BAZ2B: variants seen among roughly 807,000 people sequenced by gnomAD.
BAZ2B encodes bromodomain adjacent to zinc finger domain 2B, also known as bromodomain adjacent to zinc finger domain protein 2B.
A neutral mutation model predicts 246.0 loss-of-function variants in BAZ2B; 91 were observed. The observed-to-expected ratio is 0.37, with a 90% confidence interval of 0.31 to 0.44. The LOEUF (loss-of-function observed/expected upper bound fraction) is 0.44, where lower values mean the gene tolerates loss of function less well. Ranked by LOEUF, BAZ2B falls within the 20% of genes least tolerant of loss-of-function variation. The pLI is 1.00. For missense variants in BAZ2B, 2,332 were observed against 2,533.7 expected, an observed-to-expected ratio of 0.92 and a Z score of 1.71; for synonymous variants, 855 against 860.0, an observed-to-expected ratio of 0.99 and a Z score of 0.10.
At chr2:159,547,126 A>G (rs2087468798) in intron 2 of BAZ2B, among the ~76,000 whole-genome samples, 1 of 152,192 alleles carries the variant, frequency 6.6e-6, no homozygotes, top group Admixed American at 6.5e-5. Flanking sequence ...TCTCTTGAGG[A>G]GAAAGAAAAT....
chr2:159,477,031 C>T (rs546646468), intron 3 of BAZ2B, among the ~76,000 whole-genome samples: 4 of 152,232 alleles, frequency 2.6e-5, no homozygotes, highest in African/African-American at 7.2e-5. Context: ...TGCGGCTGGG[C>T]GCGGTGGCTC....
chr2:159,471,832 T>C (rs2077839864), intron 3 of BAZ2B, among the ~76,000 whole-genome samples: 1 of 152,244 alleles, frequency 6.6e-6, no homozygotes, highest in African/African-American at 2.4e-5. Flanking sequence ...TTATTCTATT[T>C]GGCTTAATTT....
chr2:159,575,690 G>A (rs1372293485), intron 1 of BAZ2B, among the ~76,000 whole-genome samples: 1 of 152,044 alleles, frequency 6.6e-6, no homozygotes, highest in South Asian at 2.1e-4. Context: ...AAACAATGTT[G>A]GTAGACTAGA....
At chr2:159,486,108 T>C (rs968777093) in intron 2 of BAZ2B, among the ~76,000 whole-genome samples, 5 of 152,138 alleles carry the variant, frequency 3.3e-5, no homozygotes, top group East Asian at 1.9e-4. Flanking sequence ...ATCAACTAAA[T>C]TGTAGGTATA....
At chr2:159,387,061 CT>C in intron 21 of BAZ2B, among the ~76,000 whole-genome samples, 2 of 152,192 alleles carry the variant, frequency 1.3e-5, no homozygotes, top group South Asian at 4.1e-4. Flanking sequence ...AAAAATCACA[CT>C]TTTTTTGTAG....
chr2:159,521,938 T>C (rs1014021624), intron 2 of BAZ2B, among the ~76,000 whole-genome samples: 1 of 152,012 alleles, frequency 6.6e-6, no homozygotes, highest in Non-Finnish European at 1.5e-5. Context: ...AAATAATAAA[T>C]ACATTTTAAA....
chr2:159,515,671 A>C (rs1234165370), intron 2 of BAZ2B, among the ~76,000 whole-genome samples: 2 of 152,114 alleles, frequency 1.3e-5, no homozygotes, highest in Non-Finnish European at 2.9e-5. Context: ...TGAGGTAAGC[A>C]GTTTAAATGA....
the BAZ2B span, among the ~76,000 whole-genome samples, chr2:159,667,539 T>G: frequency 6.6e-6 from 1 of 151,914 alleles, no homozygotes; most frequent in Admixed American, 6.6e-5. Flanking sequence ...GAGGTTGCAG[T>G]GAGGTAAGAT....
intron 1 of BAZ2B, among the ~76,000 whole-genome samples, chr2:159,601,241 C>A (rs1260907105): frequency 3.3e-5 from 5 of 152,092 alleles, no homozygotes; most frequent in African/African-American, 4.8e-5. Flanking sequence ...ACCAAAAAAA[C>A]CCCTTCAACA....
At chr2:159,367,269 C>A (rs2060317447) in intron 27 of BAZ2B, among the ~76,000 whole-genome samples, 2 of 152,166 alleles carry the variant, frequency 1.3e-5, no homozygotes, top group Non-Finnish European at 2.9e-5. Flanking sequence ...GGACAAGGCA[C>A]ACCCCTGTGG....
intron 2 of BAZ2B, among the ~76,000 whole-genome samples, chr2:159,501,191 T>A (rs1322274416): frequency 3.8e-5 from 4 of 104,486 alleles, no homozygotes; most frequent in Non-Finnish European, 7.5e-5. Context: ...TATTTATATA[T>A]AATATATATA....
chr2:159,692,454 G>T, the BAZ2B span, among the ~76,000 whole-genome samples: 1 of 152,066 alleles, frequency 6.6e-6, no homozygotes, highest in African/African-American at 2.4e-5. Context: ...CACCGTGCCT[G>T]GCTTCTTAAT....
At chr2:159,497,913 TTAAA>T (rs2081328937) in intron 2 of BAZ2B, among the ~76,000 whole-genome samples, 3 of 152,172 alleles carry the variant, frequency 2.0e-5, no homozygotes. Flanking sequence ...ATATACTCCT[TTAAA>T]TATACGCCCT....
At chr2:159,361,417 G>A (rs2059679885) in intron 27 of BAZ2B, among the ~76,000 whole-genome samples, 1 of 152,202 alleles carries the variant, frequency 6.6e-6, no homozygotes, top group Admixed American at 6.5e-5. Context: ...TCTCATGCCA[G>A]TTAGAATGGC....
At chr2:159,486,352 G>GA (rs1217625697) in intron 2 of BAZ2B, among the ~76,000 whole-genome samples, 1 of 151,604 alleles carries the variant, frequency 6.6e-6, no homozygotes, top group Non-Finnish European at 1.5e-5. Context: ...TGCATGAGAT[G>GA]AAAAAATAAA....
At chr2:159,537,307 A>G (rs1011236716) in intron 2 of BAZ2B, among the ~76,000 whole-genome samples, 1 of 152,214 alleles carries the variant, frequency 6.6e-6, no homozygotes, top group African/African-American at 2.4e-5. Flanking sequence ...TTTAGTTTTG[A>G]AAGATGAAAA....
At chr2:159,600,094 T>C (rs1691786587) in intron 1 of BAZ2B, among the ~76,000 whole-genome samples, 1 of 152,132 alleles carries the variant, frequency 6.6e-6, no homozygotes, top group Non-Finnish European at 1.5e-5. Flanking sequence ...CTAGCTCAGA[T>C]TCCTTAGAAA....
rs932488716 is a variant in BAZ2B at position 159,562,254 on chromosome 2, G to A, written c.-45-6389C>T. Among the ~76,000 whole-genome samples, 3 of 152,108 alleles carry A rather than the reference G, an allele frequency of 2.0e-5. 1 individual carries two copies. Among genetic ancestry groups the A allele is most frequent in the Admixed American group, 2.0e-4 (3 of 15,262 alleles). ...CATAGGTTGAATCACAAAATTTTCA[G>A]ACAGCTAACAAAAGCCTTATTACAT... On this transcript the variant is annotated intron_variant, in intron 1 of 36. Transcript: ENST00000392783.
chr2:159,615,595 A>C (rs4343430), intron 1 of BAZ2B: 9,070 of 151,628 alleles, frequency 0.06, 322 homozygotes, highest in East Asian at 0.14. Context: ...CGTCAGTCCG[A>C]CAGGGAAGAG....
Sources: gnomAD v4.1 joint callset for allele counts (sites outside exome capture counted in the v4.1 genomes callset) on GRCh38, gnomAD v4.1.1 for gene constraint, MANE v1.5 for transcripts, NCBI Gene and HGNC (gene_info 2026-07-23, HGNC 2026-07-21) for gene names.